SMARCC1: variants seen among roughly 807,000 people sequenced by gnomAD.
SMARCC1 encodes the protein SWI/SNF related BAF chromatin remodeling complex subunit C1.
In SMARCC1, 43 loss-of-function variants were observed where a neutral mutation model predicts 147.4. The observed-to-expected ratio is 0.29, with a 90% CI of 0.23 to 0.38. The LOEUF is 0.38. Among genes scored for constraint, SMARCC1 ranks in the 10% least tolerant of loss-of-function variants. The probability of loss-of-function intolerance (pLI) is 1.00; values close to 1 mark genes in which losing one functional copy is unlikely to be tolerated. For synonymous variants in SMARCC1, 495 were observed against 484.4 expected, an observed-to-expected ratio of 1.02 and a Z score of -0.29; for missense variants, 1,119 against 1,381.1, an observed-to-expected ratio of 0.81 and a Z score of 3.01.
chr3:47,716,583 C>T (rs1035200920), intron 7 of SMARCC1, among the ~76,000 whole-genome samples: 1 of 152,094 alleles, frequency 6.6e-6, no homozygotes, highest in African/African-American at 2.4e-5. Context: ...TTATTCGATA[C>T]ATAAGGAAAA....
chr3:47,747,542 TAGG>T (rs1026564711), intron 2 of SMARCC1, among the ~76,000 whole-genome samples: 80 of 134,914 alleles, frequency 5.9e-4, no homozygotes, highest in African/African-American at 1.8e-3. Context: ...GAGGCTGAGG[TAGG>T]AGGATTGCAT....
chr3:47,765,449 C>T (rs1290250956), intron 2 of SMARCC1, among the ~76,000 whole-genome samples: 1 of 151,150 alleles, frequency 6.6e-6, no homozygotes, highest in Admixed American at 6.6e-5. Context: ...ATATATTTTA[C>T]AATAGGAAGT....
chr3:47,735,966 TTAGAGGCTTA>T, intron 5 of SMARCC1, 58 bp downstream of exon 5: 1 of 682,160 alleles, frequency 1.5e-6, no homozygotes. Flanking sequence ...TTGTCATTTA[TTAGAGGCTTA>T]CAACTACAAA....
chr3:47,765,736 T>A (rs2034832063), intron 2 of SMARCC1, among the ~76,000 whole-genome samples: 1 of 143,426 alleles, frequency 7.0e-6, no homozygotes, highest in Non-Finnish European at 1.5e-5. Context: ...TGCAAATTAA[T>A]TTTTTTTTTT....
At chr3:47,592,994 A>AT (rs1260609177) in intron 26 of SMARCC1, among the ~76,000 whole-genome samples, 2 of 150,750 alleles carry the variant, frequency 1.3e-5, no homozygotes, top group African/African-American at 4.9e-5. Flanking sequence ...TCTTTTTTTT[A>AT]TTTTTTATTT....
chr3:47,662,287 A>G lies in SMARCC1; in HGVS notation c.2158+47T>C, dbSNP rs775690761. The stretch of plus-strand genomic sequence containing the variant: ...AACGGCTGGTAATATTTAAATTGGG[A>G]TAAACTGAGTTTTTCTGTTGAGGAG... On this transcript the variant is annotated intron_variant, in intron 20 of 27. Transcript: ENST00000254480. 5 of 1,551,658 alleles carry G rather than the reference A, an allele frequency of 3.2e-6. 1 individual carries two copies. The South Asian group carries it at 5.9e-5, about 18-fold the overall frequency.
chr3:47,657,719 A>G (rs2033282374), intron 21 of SMARCC1, among the ~76,000 whole-genome samples: 1 of 152,132 alleles, frequency 6.6e-6, no homozygotes, highest in Non-Finnish European at 1.5e-5. Context: ...AGGCTGAGGC[A>G]AGAGAATGGC....
chr3:47,712,827 C>T (rs549102982), intron 8 of SMARCC1, among the ~76,000 whole-genome samples: 550 of 152,178 alleles, frequency 3.6e-3, no homozygotes, highest in Non-Finnish European at 5.6e-3. Flanking sequence ...ACTTGTGGAG[C>T]CTAGTTTCCT....
chr3:47,737,114 C>G (rs2034453029), intron 4 of SMARCC1, among the ~76,000 whole-genome samples: 1 of 152,050 alleles, frequency 6.6e-6, no homozygotes, highest in African/African-American at 2.4e-5. Flanking sequence ...GAAGGCAGGC[C>G]GGACTCTGTG....
At chr3:47,699,978 A>G (rs1227775591) in intron 11 of SMARCC1, among the ~76,000 whole-genome samples, 2 of 151,964 alleles carry the variant, frequency 1.3e-5, no homozygotes, top group Non-Finnish European at 2.9e-5. Flanking sequence ...TATATGCTTC[A>G]TATACATCTT....
intron 26 of SMARCC1, among the ~76,000 whole-genome samples, chr3:47,608,112 C>T (rs747243231): frequency 6.6e-6 from 1 of 152,140 alleles, no homozygotes. Flanking sequence ...AACTGAGACA[C>T]AGTCTCGCTC....
intron 27 of SMARCC1, among the ~76,000 whole-genome samples, chr3:47,589,661 T>G (rs967331658): frequency 6.6e-6 from 1 of 152,228 alleles, no homozygotes; most frequent in African/African-American, 2.4e-5. Flanking sequence ...TCCCAGACTC[T>G]GGGGGCCAGA....
chr3:47,644,608 A>C (rs1001370757), intron 21 of SMARCC1, among the ~76,000 whole-genome samples: 7 of 152,134 alleles, frequency 4.6e-5, no homozygotes, highest in African/African-American at 1.7e-4. Flanking sequence ...CCCAGGTTCA[A>C]GCGATTCTCG....
intron 11 of SMARCC1, among the ~76,000 whole-genome samples, chr3:47,697,896 T>C (rs2033872391): frequency 6.9e-6 from 1 of 145,682 alleles, no homozygotes; most frequent in South Asian, 2.2e-4. Context: ...TATTCCCAGC[T>C]ACTCAGGAGG....
In SMARCC1 at chr3:47,693,310, GAAAAA is replaced by G; in HGVS notation, c.1166-15_1166-11del. On this transcript the variant is annotated splice_polypyrimidine_tract_variant and intron_variant, in intron 11 of 27. Transcript: ENST00000254480. ...TCTTTCTTTAGGTTCACTAGAAAAA[GAAAAA>G]AAAGAGTTATGTTTATGTGGGAAAA... is the stretch of plus-strand genomic sequence containing the variant. 6.8e-7 allele frequency: 1 copy of G among 1,475,794 alleles called. No homozygotes were observed. The allele number at this position is 1,475,794 out of a possible 1,614,324, so 91.4% of individuals were successfully genotyped here. A position where few individuals can be genotyped will look rare whatever the true frequency, so the allele number is the denominator to read the frequency against.
chr3:47,737,629 T>C (rs2034459629), intron 4 of SMARCC1, among the ~76,000 whole-genome samples: 1 of 152,086 alleles, frequency 6.6e-6, no homozygotes. Context: ...TCTGTGGTTT[T>C]TTTTGTTTTT....
intron 6 of SMARCC1, among the ~76,000 whole-genome samples, chr3:47,725,448 T>TTATA (rs578107263): frequency 6.6e-6 from 1 of 151,480 alleles, no homozygotes; most frequent in African/African-American, 2.4e-5. Flanking sequence ...TTTATTATTA[T>TTATA]TATATATATA....
At chr3:47,663,147 A>AAGG (rs2033371281) in intron 19 of SMARCC1, among the ~76,000 whole-genome samples, 1 of 95,246 alleles carries the variant, frequency 1.0e-5, no homozygotes, top group Non-Finnish European at 2.1e-5. Flanking sequence ...GGGAGGAAGG[A>AAGG]AAGGAGGGAA....
chr3:47,635,446 G>A lies in SMARCC1; in HGVS notation c.2492-102C>T. ...AACAAACTAGGACTGATATGACAAA[G>A]AGATGTCAATGCCTTTTTCTTCTTT... is the stretch of plus-strand genomic sequence containing the variant. On this transcript the variant is annotated intron_variant, in intron 23 of 27. Transcript: ENST00000254480. 1.3e-5 allele frequency: 13 copies of A among 1,024,614 alleles called. No individual in the cohort carries two copies. The South Asian group carries it at 1.7e-4, about 13-fold the overall frequency. 63.5% of individuals were successfully genotyped at this position (1,024,614 alleles called of 1,614,324 possible). A position where few individuals can be genotyped will look rare whatever the true frequency, so the allele number is the denominator to read the frequency against.
Sources: gnomAD v4.1 joint callset for allele counts (sites outside exome capture counted in the v4.1 genomes callset) on GRCh38, gnomAD v4.1.1 for gene constraint, MANE v1.5 for transcripts, NCBI Gene and HGNC (gene_info 2026-07-23, HGNC 2026-07-21) for gene names.